The following KCNK2 variants were observed in gnomAD, a reference collection of about 807,000 sequenced individuals.
The protein encoded by KCNK2 is potassium two pore domain channel subfamily K member 2, also known as potassium channel subfamily K member 2.
Under a neutral mutation model 40.5 loss-of-function variants are expected in KCNK2, and 21 were observed. The observed-to-expected ratio is 0.52, with a 90% CI of 0.37 to 0.75. The LOEUF (loss-of-function observed/expected upper bound fraction) is 0.75, where lower values mean the gene tolerates loss of function less well. KCNK2 is among the 30% of genes least tolerant of loss of function. KCNK2 has a pLI of 0.00. For synonymous variants in KCNK2, 191 were observed against 202.2 expected (o/e 0.94, Z 0.47); for missense variants, 399 against 531.6 (o/e 0.75, Z 2.45).
At chr1:215,007,033 ATATATGTGTG>A (rs1480058471) in intron 1 of KCNK2, among the ~76,000 whole-genome samples, 7 of 60,324 alleles carry the variant, frequency 1.2e-4, no homozygotes, top group African/African-American at 4.7e-4. Context: ...ATATATATAT[ATATATGTGTG>A]TGTGTGTATA....
chr1:215,131,236 T>C (rs12064019), intron 3 of KCNK2, among the ~76,000 whole-genome samples: 16,052 of 151,188 alleles, frequency 0.11, 2,831 homozygotes, highest in African/African-American at 0.36. Context: ...AAATGACGTA[T>C]GGACAACTGT....
At chr1:215,107,795 G>A (rs1325993529) in intron 2 of KCNK2, among the ~76,000 whole-genome samples, 1 of 151,706 alleles carries the variant, frequency 6.6e-6, no homozygotes, top group Admixed American at 6.6e-5. Flanking sequence ...CGGCATCCAG[G>A]GATTCAACAA....
At chr1:215,066,089 G>A (rs573690070) in intron 1 of KCNK2, among the ~76,000 whole-genome samples, 1 of 151,642 alleles carries the variant, frequency 6.6e-6, no homozygotes, top group East Asian at 1.9e-4. Flanking sequence ...CACAGGGAGG[G>A]GAACATCACA....
chr1:215,113,585 A>T (rs545947133), intron 2 of KCNK2, among the ~76,000 whole-genome samples: 11 of 152,146 alleles, frequency 7.2e-5, no homozygotes, highest in African/African-American at 2.4e-4. Flanking sequence ...TCTAGAGGAC[A>T]CCCAACATAT....
chr1:215,071,559 C>T (rs930177856), intron 1 of KCNK2, among the ~76,000 whole-genome samples: 2 of 152,148 alleles, frequency 1.3e-5, no homozygotes, highest in African/African-American at 4.8e-5. Context: ...TTGCAGAAGT[C>T]AGCAGGTAAT....
chr1:215,063,723 C>T (rs1439802516), intron 1 of KCNK2, among the ~76,000 whole-genome samples: 2 of 152,162 alleles, frequency 1.3e-5, no homozygotes, highest in South Asian at 2.1e-4. Context: ...GTGATTGGGA[C>T]GAGAATAGAA....
At chr1:215,111,838 A>C (rs1292646700) in intron 2 of KCNK2, among the ~76,000 whole-genome samples, 2 of 151,510 alleles carry the variant, frequency 1.3e-5, no homozygotes, top group Non-Finnish European at 2.9e-5. Flanking sequence ...ATGTGAAATA[A>C]AGAGTCACCT....
intron 1 of KCNK2, among the ~76,000 whole-genome samples, chr1:215,067,652 A>G (rs1390524833): frequency 6.6e-6 from 1 of 151,994 alleles, no homozygotes; most frequent in Non-Finnish European, 1.5e-5. Context: ...TCACCTGAGG[A>G]CAGGAGTTCA....
chr1:215,150,532 A>T (rs980771228), intron 3 of KCNK2, among the ~76,000 whole-genome samples: 1 of 152,098 alleles, frequency 6.6e-6, no homozygotes, highest in Non-Finnish European at 1.5e-5. Flanking sequence ...ATTTCATCCC[A>T]TTCTACACTA....
At chr1:215,144,490 G>C (rs1008332628) in intron 3 of KCNK2, among the ~76,000 whole-genome samples, 1 of 152,102 alleles carries the variant, frequency 6.6e-6, no homozygotes, top group Non-Finnish European at 1.5e-5. Context: ...CAAGGTAATA[G>C]TCAAGGCACG....
At chr1:215,069,509 A>C (rs971771775) in intron 1 of KCNK2, among the ~76,000 whole-genome samples, 1 of 152,118 alleles carries the variant, frequency 6.6e-6, no homozygotes, top group African/African-American at 2.4e-5. Context: ...CTCTTCCCAG[A>C]CCCATCTTCC....
chr1:215,106,511 G>A (rs572742429), intron 2 of KCNK2, among the ~76,000 whole-genome samples: 4 of 152,040 alleles, frequency 2.6e-5, no homozygotes, highest in Admixed American at 2.6e-4. Context: ...CATGGTTTGA[G>A]AATATTTTCT....
intron 3 of KCNK2, among the ~76,000 whole-genome samples, chr1:215,147,565 C>T (rs1347725660): frequency 6.6e-6 from 1 of 152,192 alleles, no homozygotes; most frequent in African/African-American, 2.4e-5. Flanking sequence ...GGCGCAGTGG[C>T]TCATGCCTGT....
At chr1:215,180,271 T>C (rs1664170082) in intron 5 of KCNK2, among the ~76,000 whole-genome samples, 1 of 152,170 alleles carries the variant, frequency 6.6e-6, no homozygotes, top group Non-Finnish European at 1.5e-5. Context: ...GATGGGTCTC[T>C]TGAAGTCAGC....
At chr1:215,065,120 A>G (rs1239063831) in intron 1 of KCNK2, among the ~76,000 whole-genome samples, 1 of 152,196 alleles carries the variant, frequency 6.6e-6, no homozygotes, top group Non-Finnish European at 1.5e-5. Flanking sequence ...TTACTTTTAC[A>G]TATCTATCTA....
intron 5 of KCNK2, 76 bp downstream of exon 5, chr1:215,172,259 G>C (rs755689354): frequency 1.5e-4 from 203 of 1,313,034 alleles, no homozygotes; most frequent in Non-Finnish European, 2.0e-4. Flanking sequence ...GGTTTATAAC[G>C]AAACACAAGG....
intron 1 of KCNK2, among the ~76,000 whole-genome samples, chr1:215,070,113 A>G (rs1571882666): frequency 6.6e-6 from 1 of 152,110 alleles, no homozygotes; most frequent in Admixed American, 6.5e-5. Flanking sequence ...GGTAATTTAT[A>G]TAGGAAACAG....
chr1:215,118,590 T>C (rs1389324438), intron 2 of KCNK2, among the ~76,000 whole-genome samples: 5 of 152,144 alleles, frequency 3.3e-5, no homozygotes, highest in African/African-American at 1.2e-4. Context: ...TAATTGCAAC[T>C]ACCAGAAATT....
chr1:215,071,383 G>A (rs1408712823), intron 1 of KCNK2, among the ~76,000 whole-genome samples: 2 of 152,158 alleles, frequency 1.3e-5, no homozygotes, highest in Non-Finnish European at 2.9e-5. Context: ...AAGGTCAGAA[G>A]TGCTTTCTAT....
Sources: gnomAD v4.1 joint callset for allele counts (sites outside exome capture counted in the v4.1 genomes callset) on GRCh38, gnomAD v4.1.1 for gene constraint, MANE v1.5 for transcripts, NCBI Gene and HGNC (gene_info 2026-07-23, HGNC 2026-07-21) for gene names.